CABIN1: variants seen among roughly 807,000 people sequenced by gnomAD.
The protein encoded by CABIN1 is calcineurin binding protein 1, also known as calcineurin-binding protein cabin-1.
In CABIN1, 133 loss-of-function variants were observed where a neutral mutation model predicts 227.7. The ratio of observed to expected loss-of-function variants is 0.58; its 90% confidence interval spans 0.51 to 0.67. The LOEUF is 0.67. CABIN1 is among the 30% of genes least tolerant of loss of function. The pLI is 0.00. For missense variants in CABIN1, 2,408 were observed against 2,852.5 expected, an observed-to-expected ratio of 0.84 and a Z score of 3.55; for synonymous variants, 1,086 against 1,155.1, an observed-to-expected ratio of 0.94 and a Z score of 1.21.
At chr22:24,123,272 A>T (rs899295822) in intron 28 of CABIN1, among the ~76,000 whole-genome samples, 4 of 152,074 alleles carry the variant, frequency 2.6e-5, no homozygotes, top group Non-Finnish European at 5.9e-5. Flanking sequence ...TCCCAGGCTG[A>T]GTTCCTTGGT....
chr22:24,071,599 GTC>G lies in CABIN1; in HGVS notation c.2475+558_2475+559del, dbSNP rs879300866. Among the ~76,000 whole-genome samples the G allele has an allele frequency of 7.9e-5, 12 of 152,052 alleles. No homozygotes were observed. In the East Asian group the frequency reaches 2.3e-3, roughly 29 times the overall value. On this transcript the variant is annotated intron_variant, in intron 17 of 36. Transcript: ENST00000263119. Reference sequence around the variant, plus strand: ...CCTCTGTCTTCATCTTTCTGCTGTAGTCCAGGCCACTGCTACTCTTGCTTGAG... The same window carrying G: ...CCTCTGTCTTCATCTTTCTGCTGTAGCAGGCCACTGCTACTCTTGCTTGAG...
At chr22:24,144,594 G>A (rs1415065689) in intron 29 of CABIN1, among the ~76,000 whole-genome samples, 1 of 152,220 alleles carries the variant, frequency 6.6e-6, no homozygotes, top group Non-Finnish European at 1.5e-5. Flanking sequence ...TGGGCACAGG[G>A]GCAGCTGGGC....
intron 26 of CABIN1, among the ~76,000 whole-genome samples, chr22:24,102,755 T>G (rs1414160372): frequency 6.6e-6 from 1 of 152,028 alleles, no homozygotes; most frequent in African/African-American, 2.4e-5. Flanking sequence ...GAGGCTGGTA[T>G]CCACCAAGGG....
At chr22:24,069,444 C>T (rs1247346653) in intron 16 of CABIN1, among the ~76,000 whole-genome samples, 2 of 152,128 alleles carry the variant, frequency 1.3e-5, no homozygotes, top group Non-Finnish European at 2.9e-5. Flanking sequence ...GGTGTTTATT[C>T]TACTTTTTTG....
chr22:24,092,045 G>T (rs1328180308), intron 24 of CABIN1: 4 of 655,790 alleles, frequency 6.1e-6, no homozygotes, highest in Non-Finnish European at 1.0e-5. Flanking sequence ...CTTTCTGGGA[G>T]AGTGACCATT....
rs1261509584 is a variant in CABIN1 at position 24,084,884 on chromosome 22, TACC to T, written c.3117+101_3117+103del. ...CTCCTTTGCTTCTTTTTCTGCTCTG[TACC>T]AGACTGAGGGGCAGGAGAGGCTGGA... On this transcript the variant is annotated intron_variant, in intron 21 of 36. Coordinates refer to ENST00000263119, the MANE Select transcript of CABIN1 (RefSeq NM_012295.4). 43 of 1,564,432 alleles carry T rather than the reference TACC, an allele frequency of 2.7e-5. No homozygotes were observed. In the East Asian group the frequency reaches 9.0e-4, roughly 33 times the overall value.
intron 33 of CABIN1, among the ~76,000 whole-genome samples, chr22:24,169,096 G>A (rs1409941714): frequency 6.6e-6 from 1 of 152,110 alleles, no homozygotes; most frequent in Non-Finnish European, 1.5e-5. Context: ...CCAAGATATG[G>A]CAGGGAGTAG....
intron 19 of CABIN1, among the ~76,000 whole-genome samples, chr22:24,078,280 T>C (rs2040572448): frequency 6.6e-6 from 1 of 152,148 alleles, no homozygotes; most frequent in Admixed American, 6.5e-5. Context: ...GAGCAATACC[T>C]GACAGACTGC....
intron 25 of CABIN1, among the ~76,000 whole-genome samples, chr22:24,096,758 T>A (rs1462097526): frequency 6.6e-6 from 1 of 152,238 alleles, no homozygotes; most frequent in African/African-American, 2.4e-5. Context: ...ATGCTGATTC[T>A]TGTGCTTCTG....
intron 20 of CABIN1, among the ~76,000 whole-genome samples, chr22:24,083,807 G>A (rs2040964763): frequency 6.6e-6 from 1 of 152,154 alleles, no homozygotes; most frequent in Non-Finnish European, 1.5e-5. Flanking sequence ...ACCAAAAAAT[G>A]TAGCATGGCA....
chr22:24,056,140 T>C (rs905639350), intron 9 of CABIN1, 52 bp from the exon 10 acceptor site: 2 of 1,531,218 alleles, frequency 1.3e-6, no homozygotes, highest in African/African-American at 1.4e-5. Flanking sequence ...GTGTGGTGCA[T>C]TTTTTTCATC....
At chr22:24,020,112 C>T (rs1225707046) in intron 1 of CABIN1, among the ~76,000 whole-genome samples, 1 of 152,090 alleles carries the variant, frequency 6.6e-6, no homozygotes, top group Non-Finnish European at 1.5e-5. Context: ...AAGGTTTGCC[C>T]ATGAAATAAG....
chr22:24,168,676 G>A (rs1419318446), intron 33 of CABIN1, 155 bp downstream of exon 33: 1 of 733,424 alleles, frequency 1.4e-6, no homozygotes, highest in African/African-American at 1.7e-5. Flanking sequence ...TGAGCCTCCA[G>A]CACGTGGCCA....
Position 24,134,320 on chromosome 22 carries a change from G to T in CABIN1, c.4651G>T (p.Asp1551Tyr). ...KTHRNLQWAR[D>Y]VLLGSSIPWQ... ...TCCCCAGAACCTCCAGTGGGCCCGC[G>T]ACGTGTTGCTAGGCAGCAGTATCCC... Residue 1551 changes from aspartate to tyrosine, a missense_variant, in exon 29 of 37, where the codon GAC (aspartate) becomes TAC (tyrosine). By Grantham distance (160) the Asp-to-Tyr change is radical (BLOSUM62 -3). Around this residue, in one of 3 missense-constraint regions of CABIN1, gnomAD observed 649 missense variants for 910.3 expected, o/e 0.71. Coordinates refer to ENST00000263119, the MANE Select transcript of CABIN1 (RefSeq NM_012295.4). 1 of 1,614,012 alleles carries T rather than the reference G, an allele frequency of 6.2e-7. No individual in the cohort carries two copies. The highest frequency in any genetic ancestry group is 8.5e-7 in the Non-Finnish European group (1 of 1,179,944).
intron 30 of CABIN1, 50 bp downstream of exon 30, chr22:24,164,613 GCA>G (rs774261740): frequency 6.3e-7 from 1 of 1,577,534 alleles, no homozygotes; most frequent in South Asian, 1.1e-5. Context: ...TGGGTCAGGG[GCA>G]CACACACCCC....
At chr22:24,043,179 C>T in intron 6 of CABIN1, 95 bp downstream of exon 6, 1 of 1,085,818 alleles carries the variant, frequency 9.2e-7, no homozygotes. Flanking sequence ...AAAGTTAACA[C>T]TGAAGGGGTT....
At chr22:24,012,749 G>A (rs1165154733) in intron 1 of CABIN1, among the ~76,000 whole-genome samples, 5 of 152,156 alleles carry the variant, frequency 3.3e-5, no homozygotes, top group Admixed American at 6.5e-5. Context: ...TCTTTTTCAT[G>A]ATTATTCAAT....
Position 24,177,433 on chromosome 22 carries a change from T to TG in CABIN1, c.6206-66dup. On this transcript the variant is annotated intron_variant, in intron 35 of 36. Coordinates refer to ENST00000263119, the MANE Select transcript of CABIN1 (RefSeq NM_012295.4). This position sits in a 1 kb window ranked among gnomAD's most constrained non-coding sequence, Gnocchi z 4.4. ...AGGCCCAGGACCTGGGGGGAGCGGGTGGGGGCGAGATAAAGTGCTCACTGT... is the reference window on the plus strand; with the variant it reads ...AGGCCCAGGACCTGGGGGGAGCGGGTGGGGGGCGAGATAAAGTGCTCACTGT... 1.5e-6 allele frequency: 2 copies of TG among 1,316,170 alleles called. No individual in the cohort carries two copies. The highest frequency in any genetic ancestry group is 1.5e-5 in the South Asian group (1 of 68,956). The allele number at this position is 1,316,170 out of a possible 1,614,324, so 81.5% of individuals were successfully genotyped here. A position where few individuals can be genotyped will look rare whatever the true frequency, so the allele number is the denominator to read the frequency against.
chr22:24,054,515 A>G (rs1024146230), intron 8 of CABIN1, among the ~76,000 whole-genome samples: 2 of 152,188 alleles, frequency 1.3e-5, no homozygotes, highest in Admixed American at 1.3e-4. Context: ...CAAGTGTTTT[A>G]AAGACTTGAC....
Sources: gnomAD v4.1 joint callset for allele counts (sites outside exome capture counted in the v4.1 genomes callset) on GRCh38, gnomAD v4.1.1 for gene constraint, gnomAD v4.1.1 regional missense constraint, Gnocchi (gnomAD v3.1) non-coding constraint, MANE v1.5 for transcripts, NCBI Gene and HGNC (gene_info 2026-07-23, HGNC 2026-07-21) for gene names.